The following PRKCH variants were observed in gnomAD, a reference collection of about 807,000 sequenced individuals.
The protein encoded by PRKCH is protein kinase C eta type.
In PRKCH, 28 loss-of-function variants were observed where a neutral mutation model predicts 82.5. The ratio of observed to expected loss-of-function variants is 0.34; its 90% CI spans 0.25 to 0.47. PRKCH has a LOEUF of 0.47. Among genes scored for constraint, PRKCH ranks in the 20% least tolerant of loss-of-function variants. The pLI is 1.00. For missense variants in PRKCH, 705 were observed against 881.8 expected (o/e 0.80, Z 2.54); for synonymous variants, 322 against 327.4 (o/e 0.98, Z 0.18).
At chr14:61,355,327 G>GT (rs148822100) in intron 1 of PRKCH, among the ~76,000 whole-genome samples, 4,321 of 147,232 alleles carry the variant, frequency 0.029, 174 homozygotes, top group African/African-American at 0.096. Flanking sequence ...GGTTATCTTT[G>GT]TTTTTTTTTT....
At chr14:61,253,325 C>T (rs546739788) in intron 1 of PRKCH, among the ~76,000 whole-genome samples, 3 of 152,214 alleles carry the variant, frequency 2.0e-5, no homozygotes, top group Non-Finnish European at 4.4e-5. Context: ...GGCAGGGATG[C>T]GTGAGGCATG....
At chr14:61,470,876 G>A (rs144991926) in intron 9 of PRKCH, among the ~76,000 whole-genome samples, 240 of 151,930 alleles carry the variant, frequency 1.6e-3, no homozygotes, top group African/African-American at 4.9e-3. Context: ...TTTTTCCGTC[G>A]CTGTGCAGTG....
chr14:61,393,221 T>C (rs2046713852), intron 2 of PRKCH, among the ~76,000 whole-genome samples: 1 of 152,206 alleles, frequency 6.6e-6, no homozygotes, highest in Non-Finnish European at 1.5e-5. Context: ...TTCTTTTTTG[T>C]ATGTTTAAGG....
chr14:61,423,699 G>A (rs987394863), intron 2 of PRKCH, among the ~76,000 whole-genome samples: 1 of 152,158 alleles, frequency 6.6e-6, no homozygotes, highest in African/African-American at 2.4e-5. Context: ...CCTAAAGGGA[G>A]TGCTGGTTCA....
intron 2 of PRKCH, among the ~76,000 whole-genome samples, chr14:61,400,350 T>C (rs1012378322): frequency 6.6e-6 from 1 of 152,246 alleles, no homozygotes; most frequent in African/African-American, 2.4e-5. Flanking sequence ...GACAAGTTGT[T>C]GATTTAATTT....
intron 9 of PRKCH, among the ~76,000 whole-genome samples, chr14:61,467,065 T>A (rs1885294675): frequency 6.6e-6 from 1 of 152,128 alleles, no homozygotes; most frequent in African/African-American, 2.4e-5. Flanking sequence ...TCTCCATTGT[T>A]GTTGTATTAA....
chr14:61,359,674 A>G (rs11158340), intron 1 of PRKCH, among the ~76,000 whole-genome samples: 111,501 of 152,126 alleles, frequency 0.73, 42,069 homozygotes, highest in Non-Finnish European at 0.83. Context: ...CTAATTTTCT[A>G]TTTTAAAAGA....
intron 1 of PRKCH, among the ~76,000 whole-genome samples, chr14:61,233,641 C>A (rs1346684014): frequency 6.6e-6 from 1 of 152,110 alleles, no homozygotes; most frequent in Non-Finnish European, 1.5e-5. Flanking sequence ...GTAATTTAAT[C>A]ATGAGGGTGG....
chr14:61,239,621 A>G (rs1395934510), intron 1 of PRKCH, among the ~76,000 whole-genome samples: 1 of 152,208 alleles, frequency 6.6e-6, no homozygotes, highest in Non-Finnish European at 1.5e-5. Context: ...GGGAGGAGTT[A>G]TTCATTCCCT....
At chr14:61,442,211 T>C (rs1354485975) in intron 2 of PRKCH, among the ~76,000 whole-genome samples, 1 of 152,196 alleles carries the variant, frequency 6.6e-6, no homozygotes, top group East Asian at 1.9e-4. Flanking sequence ...CTAGTATAAT[T>C]ATTTGGAAGA....
intron 1 of PRKCH, among the ~76,000 whole-genome samples, chr14:61,211,964 G>A (rs544676875): frequency 5.3e-4 from 80 of 152,244 alleles, no homozygotes; most frequent in Non-Finnish European, 9.3e-4. Flanking sequence ...TGAAGAGGCC[G>A]CCAGCAGCCC....
At chr14:61,494,960 C>T (rs950630666) in intron 10 of PRKCH, among the ~76,000 whole-genome samples, 3 of 152,168 alleles carry the variant, frequency 2.0e-5, no homozygotes, top group Non-Finnish European at 4.4e-5. Flanking sequence ...TTAGGAAGTC[C>T]TAGGGCATAT....
intron 1 of PRKCH, chr14:61,299,755 C>T (rs904215544): frequency 6.6e-6 from 1 of 152,138 alleles, no homozygotes; most frequent in African/African-American, 2.4e-5. Context: ...TTTTTTGAGA[C>T]AAGCAAAGCC....
At position 61,327,046 on chromosome 14, in the gene PRKCH, G is replaced by C. The variant is rs1304210786; in HGVS notation, c.363+4582G>C. ...AGGAGGAGCTGGAGGCTGCGTCATG[G>C]AAAGACCTTGGCGCCCCCTCAGGAA... On this transcript the variant is annotated intron_variant, in intron 1 of 13. Transcript: ENST00000332981. 6.6e-6 allele frequency: 3 copies of C among 455,892 alleles called. No individual in the cohort carries two copies. The East Asian group carries it at 2.1e-4, about 32-fold the overall frequency. 28.2% of individuals were successfully genotyped at this position (455,892 alleles called of 1,614,324 possible). A position where few individuals can be genotyped will look rare whatever the true frequency, so the allele number is the denominator to read the frequency against.
chr14:61,433,459 AG>A (rs1334691022), intron 2 of PRKCH, among the ~76,000 whole-genome samples: 1 of 152,146 alleles, frequency 6.6e-6, no homozygotes, highest in Non-Finnish European at 1.5e-5. Flanking sequence ...TATCTGGAAA[AG>A]ATTTTGGTTG....
At chr14:61,453,903 T>G (rs1413986045) in intron 7 of PRKCH, among the ~76,000 whole-genome samples, 5 of 151,610 alleles carry the variant, frequency 3.3e-5, no homozygotes, top group Admixed American at 3.3e-4. Flanking sequence ...AGCGATCCTC[T>G]CGCTTTGGCC....
Position 61,263,575 on chromosome 14 carries a change from C to T in PRKCH, c.-19+75907C>T, listed in dbSNP as rs892667859. On this transcript the variant is annotated intron_variant, in intron 1 of 3. Transcript: ENST00000555185. ...TCTCTTAACCAATATACTACACTGCCTTCTCAATTCTATTGCCAATTATCT... is the reference window on the plus strand; with the variant it reads ...TCTCTTAACCAATATACTACACTGCTTTCTCAATTCTATTGCCAATTATCT... Among the ~76,000 whole-genome samples the T allele has an allele frequency of 6.6e-5, 10 of 152,278 alleles. No homozygotes were observed. The East Asian group carries it at 1.7e-3, about 26-fold the overall frequency.
At chr14:61,355,822 A>T (rs11629419) in intron 1 of PRKCH, among the ~76,000 whole-genome samples, 6,664 of 152,308 alleles carry the variant, frequency 0.044, 229 homozygotes, top group Non-Finnish European at 0.066. Flanking sequence ...AGTCTGGAAG[A>T]TCTCCACCAA....
At chr14:61,321,562 G>C (rs1300548246), upstream of PRKCH, among the ~76,000 whole-genome samples, 2 of 152,162 alleles carry the variant, frequency 1.3e-5, no homozygotes, top group Non-Finnish European at 2.9e-5. This position sits in a 1 kb window ranked among gnomAD's most constrained non-coding sequence, Gnocchi z 4.1. Context: ...AGGCGCGGGA[G>C]CGGACGCGGG....
Sources: allele counts gnomAD v4.1 joint callset (sites outside exome capture counted in the v4.1 genomes callset), GRCh38; gene constraint gnomAD v4.1.1; non-coding constraint Gnocchi (gnomAD v3.1); transcripts MANE v1.5; gene names NCBI Gene and HGNC (gene_info 2026-07-23, HGNC 2026-07-21).